The following STRN variants were observed in gnomAD, a reference collection of about 807,000 sequenced individuals.
STRN encodes protein phosphatase 2 regulatory subunit B'''alpha.
STRN carries 53 observed loss-of-function variants against 96.3 expected under a neutral mutation model. The observed-to-expected ratio is 0.55, with a 90% CI of 0.44 to 0.69. STRN has a LOEUF of 0.69. STRN is among the 30% of genes least tolerant of loss of function. STRN has a pLI of 0.00. For synonymous variants in STRN, 428 were observed against 355.9 expected (o/e 1.20, Z -2.28); for missense variants, 987 against 963.9 (o/e 1.02, Z -0.32).
intron 13 of STRN, among the ~76,000 whole-genome samples, chr2:36,860,357 A>C (rs2148136357): frequency 6.6e-6 from 1 of 152,300 alleles, no homozygotes; most frequent in East Asian, 1.9e-4. Context: ...CTTATAAGAG[A>C]ATTAGGGGAG....
rs138303191 is a variant in STRN at position 36,958,550 on chromosome 2, T to G, written c.234+7680A>C. Among the ~76,000 whole-genome samples the G allele has an allele frequency of 1.1e-4, 17 of 152,080 alleles. No individual in the cohort carries two copies. The East Asian group carries it at 2.5e-3, about 22-fold the overall frequency. On this transcript the variant is annotated intron_variant, in intron 1 of 17. Coordinates refer to ENST00000263918, the MANE Select transcript of STRN (RefSeq NM_003162.4). ...ATGGTTTTAACAAATCAGACTCAACTGAAGAGAAAATTAATGGAGTGGAAG... is the reference window on the plus strand; with the variant it reads ...ATGGTTTTAACAAATCAGACTCAACGGAAGAGAAAATTAATGGAGTGGAAG...
Position 36,925,090 on chromosome 2 carries a change from A to T in STRN, c.338+15T>A. The T allele has an allele frequency of 6.3e-7, 1 of 1,592,936 alleles. No homozygotes were observed. Among genetic ancestry groups the T allele is most frequent in the South Asian group, 1.1e-5 (1 of 90,256 alleles). On this transcript the variant is annotated intron_variant, in intron 2 of 17. Transcript: ENST00000263918. ...TAAACAAAAAAGAACACCACTTTTCATTTTACTGAATTACCTTTCCTGTTT... is the reference window on the plus strand; with the variant it reads ...TAAACAAAAAAGAACACCACTTTTCTTTTTACTGAATTACCTTTCCTGTTT...
chr2:36,883,502 G>C, intron 9 of STRN, among the ~76,000 whole-genome samples: 1 of 152,114 alleles, frequency 6.6e-6, no homozygotes, highest in East Asian at 1.9e-4. Flanking sequence ...GACTGAAAGG[G>C]AACAAGTTAA....
chr2:36,958,851 T>C (rs1004764662), intron 1 of STRN, among the ~76,000 whole-genome samples: 3 of 152,202 alleles, frequency 2.0e-5, no homozygotes, highest in African/African-American at 7.2e-5. Flanking sequence ...CTGGGTGTGG[T>C]AGCTCACGCC....
At chr2:36,913,384 T>G (rs1241381449) in intron 3 of STRN, among the ~76,000 whole-genome samples, 1 of 152,170 alleles carries the variant, frequency 6.6e-6, no homozygotes, top group Non-Finnish European at 1.5e-5. Flanking sequence ...CAGTCTTACC[T>G]CAGAAGCTCT....
Position 36,847,789 on chromosome 2 carries a change from T to C in STRN, c.*1667A>G, listed in dbSNP as rs1235430794. Reference sequence around the variant, plus strand: ...TAGCCACACCACCACCAGAATACTTTTTCAAGGAGTAGATGTACGTATCAT... The same window carrying C: ...TAGCCACACCACCACCAGAATACTTCTTCAAGGAGTAGATGTACGTATCAT... On this transcript the variant is annotated 3_prime_UTR_variant, in exon 18 of 18. Coordinates refer to ENST00000263918, the MANE Select transcript of STRN (RefSeq NM_003162.4). The C allele has an allele frequency of 1.3e-5, 2 of 152,192 alleles. No individual in the cohort carries two copies. The highest frequency in any genetic ancestry group is 2.9e-5 in the Non-Finnish European group (2 of 68,028). 9.4% of individuals were successfully genotyped at this position (152,192 alleles called of 1,614,324 possible). A position where few individuals can be genotyped will look rare whatever the true frequency, so the allele number is the denominator to read the frequency against.
chr2:36,939,126 C>T (rs982652869), intron 1 of STRN, among the ~76,000 whole-genome samples: 5 of 152,068 alleles, frequency 3.3e-5, no homozygotes, highest in Non-Finnish European at 5.9e-5. Flanking sequence ...GCTGGAATTA[C>T]AGGCACGTGG....
At chr2:36,957,071 T>A (rs1000403505) in intron 1 of STRN, among the ~76,000 whole-genome samples, 1 of 152,102 alleles carries the variant, frequency 6.6e-6, no homozygotes, top group African/African-American at 2.4e-5. Context: ...TATTGACCAA[T>A]CACAACAAAC....
At chr2:36,882,982 C>T (rs1669114164) in intron 9 of STRN, among the ~76,000 whole-genome samples, 1 of 152,008 alleles carries the variant, frequency 6.6e-6, no homozygotes, top group Non-Finnish European at 1.5e-5. Flanking sequence ...CTGCAAAAGA[C>T]TAAAAATAAC....
At chr2:36,963,773 A>T (rs1268237940) in intron 1 of STRN, among the ~76,000 whole-genome samples, 1 of 152,114 alleles carries the variant, frequency 6.6e-6, no homozygotes, top group African/African-American at 2.4e-5. Context: ...CCTGGCCAAC[A>T]TTGTGAAACC....
intron 1 of STRN, among the ~76,000 whole-genome samples, chr2:36,956,649 T>C (rs6544048): frequency 0.087 from 13,267 of 152,284 alleles, 683 homozygotes; most frequent in South Asian, 0.14. Flanking sequence ...ATTGACTGCA[T>C]AGCAAAGGGT....
intron 7 of STRN, among the ~76,000 whole-genome samples, 200 bp from the exon 8 acceptor site, chr2:36,887,026 T>G (rs1332526073): frequency 6.7e-6 from 1 of 149,592 alleles, no homozygotes; most frequent in Admixed American, 6.7e-5. Context: ...TTTCCTAGAA[T>G]CAGTTTCTCC....
intron 3 of STRN, among the ~76,000 whole-genome samples, chr2:36,906,910 C>A (rs1669835872): frequency 6.7e-6 from 1 of 149,418 alleles, no homozygotes; most frequent in Non-Finnish European, 1.5e-5. Context: ...GGCGACAGAG[C>A]AAGACTCCAT....
intron 1 of STRN, among the ~76,000 whole-genome samples, chr2:36,952,449 G>GAAAAAAA (rs10557458): frequency 1.3e-5 from 1 of 76,916 alleles, no homozygotes; most frequent in African/African-American, 4.6e-5. Context: ...AAGCACGAGA[G>GAAAAAAA]AAAAAAAAAA....
intron 2 of STRN, 73 bp from the exon 3 acceptor site, chr2:36,916,224 C>T (rs1670094798): frequency 1.5e-6 from 2 of 1,310,248 alleles, no homozygotes; most frequent in African/African-American, 1.5e-5. Flanking sequence ...GTAGTAGTCA[C>T]AAGAATTCAG....
chr2:36,931,329 C>A (rs1175125216), intron 1 of STRN, among the ~76,000 whole-genome samples: 1 of 152,160 alleles, frequency 6.6e-6, no homozygotes, highest in African/African-American at 2.4e-5. Context: ...ATACCTACTT[C>A]CCATCAAGTC....
Position 36,844,653 on chromosome 2 carries a change from T to A in STRN, c.*4803A>T, listed in dbSNP as rs1158135441. 3 of 152,018 alleles carry A rather than the reference T, an allele frequency of 2.0e-5. No individual in the cohort carries two copies. The highest frequency in any genetic ancestry group is 2.9e-5 in the Non-Finnish European group (2 of 67,978). The allele number at this position is 152,018 out of a possible 1,614,324, so 9.4% of individuals were successfully genotyped here. A position where few individuals can be genotyped will look rare whatever the true frequency, so the allele number is the denominator to read the frequency against. On this transcript the variant is annotated 3_prime_UTR_variant, in exon 18 of 18. Coordinates refer to ENST00000263918, the MANE Select transcript of STRN (RefSeq NM_003162.4). ...AGAATCAATGAGTGGGATCTAGGGA[T>A]CTGTTTGGCCTAACATTTGTTTTTT... is the stretch of plus-strand genomic sequence containing the variant.
At chr2:36,912,263 C>A (rs562644678) in intron 3 of STRN, among the ~76,000 whole-genome samples, 23 of 152,294 alleles carry the variant, frequency 1.5e-4, no homozygotes, top group African/African-American at 5.5e-4. Flanking sequence ...CGCGCGCGCA[C>A]ACACACACTT....
chr2:36,907,869 G>T (rs143833845), intron 3 of STRN, among the ~76,000 whole-genome samples: 1 of 151,874 alleles, frequency 6.6e-6, no homozygotes, highest in South Asian at 2.1e-4. Flanking sequence ...AAATAACTAG[G>T]CTTAGTTCTG....
Sources: gnomAD v4.1 joint callset for allele counts (sites outside exome capture counted in the v4.1 genomes callset) on GRCh38, gnomAD v4.1.1 for gene constraint, MANE v1.5 for transcripts, NCBI Gene and HGNC (gene_info 2026-07-23, HGNC 2026-07-21) for gene names.